The following FAM219A variants were observed in gnomAD, a reference collection of about 807,000 sequenced individuals.
The protein encoded by FAM219A is family with sequence similarity 219 member A.
FAM219A carries 7 observed loss-of-function variants against 23.4 expected under a neutral mutation model. The ratio of observed to expected loss-of-function variants is 0.30; its 90% CI spans 0.17 to 0.56. FAM219A has a LOEUF of 0.56. Ranked by LOEUF, FAM219A falls within the 20% of genes least tolerant of loss-of-function variation. The probability of loss-of-function intolerance (pLI) is 0.92; values close to 1 mark genes in which losing one functional copy is unlikely to be tolerated. For synonymous variants in FAM219A, 93 were observed against 99.0 expected (o/e 0.94, Z 0.36); for missense variants, 166 against 246.9 (o/e 0.67, Z 2.20).
Position 34,419,935 on chromosome 9 carries a change from C to T in FAM219A, c.61-13971G>A, listed in dbSNP as rs1008796789. On this transcript the variant is annotated intron_variant, in intron 1 of 5. Transcript: ENST00000651358. ...TGTGGCATTTCCTGTCGCTGCCCTT[C>T]CTCTCCTTTTTAGCTTGTTCTAAGT... Among the ~76,000 whole-genome samples, 7 of 152,306 alleles carry T rather than the reference C, an allele frequency of 4.6e-5. 1 individual carries two copies. In the South Asian group the frequency reaches 1.5e-3, roughly 32 times the overall value.
chr9:34,410,527 A>T (rs1478156047), intron 1 of FAM219A, among the ~76,000 whole-genome samples: 1 of 152,176 alleles, frequency 6.6e-6, no homozygotes, highest in Non-Finnish European at 1.5e-5. Flanking sequence ...AAACTTGTAG[A>T]GGGTCTTGTA....
chr9:34,411,984 T>C (rs904600754), intron 1 of FAM219A, among the ~76,000 whole-genome samples: 3 of 152,160 alleles, frequency 2.0e-5, no homozygotes, highest in Non-Finnish European at 4.4e-5. Flanking sequence ...GGAGAAAAGT[T>C]GCAGGAAATC....
chr9:34,405,149 G>C (rs890488115), intron 2 of FAM219A, among the ~76,000 whole-genome samples: 3 of 152,182 alleles, frequency 2.0e-5, no homozygotes, highest in African/African-American at 4.8e-5. Flanking sequence ...TTTCATAAAA[G>C]TGTGTTATAT....
rs1010421159 is a variant in FAM219A, at chr9:34,398,280, T to C, written c.*2684A>G. The C allele has an allele frequency of 6.3e-5, 97 of 1,550,530 alleles. No homozygotes were observed. The highest frequency in any genetic ancestry group is 8.0e-5 in the Non-Finnish European group (92 of 1,146,950). On this transcript the variant is annotated 3_prime_UTR_variant, in exon 6 of 6. Coordinates refer to ENST00000651358, the MANE Select transcript of FAM219A (RefSeq NM_001184940.2). ...GCAATGAAAATGTTAAAAAAAATAT[T>C]ATACACGGCTCATGTCTTCCACACA...
rs748623616 is a variant in FAM219A, at chr9:34,458,292, C to G, written c.-29G>C. The G allele has an allele frequency of 7.3e-7, 1 of 1,373,758 alleles. No homozygotes were observed. Among genetic ancestry groups the G allele is most frequent in the South Asian group, 1.8e-5 (1 of 55,988 alleles). The allele number at this position is 1,373,758 out of a possible 1,614,324, so 85.1% of individuals were successfully genotyped here. Reference sequence around the variant, plus strand: ...GCCGGCGGGCGAGCGGGCCAGGGGCCGGGCGCGGCCGCGGACGCCGACAGG... The same window carrying G: ...GCCGGCGGGCGAGCGGGCCAGGGGCGGGGCGCGGCCGCGGACGCCGACAGG... On this transcript the variant is annotated 5_prime_UTR_variant, in exon 1 of 6. Transcript: ENST00000651358. The surrounding 1 kb of genome is among the most constrained non-coding windows in gnomAD (Gnocchi z 6.6).
chr9:34,416,830 T>TA (rs1822055010), intron 1 of FAM219A, among the ~76,000 whole-genome samples: 6 of 148,700 alleles, frequency 4.0e-5, no homozygotes, highest in African/African-American at 4.9e-5. Flanking sequence ...TTTTTTTTTT[T>TA]AAATAGAGGC....
intron 1 of FAM219A, among the ~76,000 whole-genome samples, chr9:34,439,179 T>A (rs1395117865): frequency 2.0e-5 from 3 of 152,168 alleles, no homozygotes; most frequent in African/African-American, 7.2e-5. Context: ...ACACGCCGCC[T>A]TTAAGAACTG....
intron 1 of FAM219A, among the ~76,000 whole-genome samples, chr9:34,414,225 C>T (rs1821921280): frequency 6.6e-6 from 1 of 152,236 alleles, no homozygotes; most frequent in African/African-American, 2.4e-5. Flanking sequence ...CTCCACACCT[C>T]AACATATGAG....
chr9:34,424,521 G>A (rs1822387750), intron 1 of FAM219A, among the ~76,000 whole-genome samples: 1 of 152,112 alleles, frequency 6.6e-6, no homozygotes, highest in African/African-American at 2.4e-5. Flanking sequence ...CAGTTAGGTG[G>A]GTAGTCGCCC....
chr9:34,444,860 C>T (rs1823316235), intron 1 of FAM219A, among the ~76,000 whole-genome samples: 1 of 152,178 alleles, frequency 6.6e-6, no homozygotes, highest in Admixed American at 6.5e-5. Flanking sequence ...TTTTCTATCA[C>T]TTGTCATAGT....
chr9:34,458,245 G>C lies in FAM219A; in HGVS notation c.19C>G (p.Arg7Gly). 6.3e-7 allele frequency: 1 copy of C among 1,587,916 alleles called. No homozygotes were observed. The highest frequency in any genetic ancestry group is 8.5e-7 in the Non-Finnish European group (1 of 1,171,084). The change falls in exon 1 of 6, where the codon CGG (arginine) becomes GGG (glycine). Residue 7 changes from arginine (R) to glycine (G), a missense_variant. Physicochemically the swap from Arg to Gly is moderately radical, Grantham distance 125. This residue lies in a region of FAM219A where 5 missense variants were observed against 17.1 expected (regional missense o/e 0.29). Transcript: ENST00000651358. The surrounding 1 kb of genome is among the most constrained non-coding windows in gnomAD (Gnocchi z 6.6). ...GAGTGCGCGGTGGGCACCTGGAACC[G>C]GTCGATCTCCTCCATCATGGTGCCG... The part of the protein sequence containing the change: MMEEID[R>G]FQVPTAHSEM...
intron 1 of FAM219A, among the ~76,000 whole-genome samples, chr9:34,439,803 C>T (rs1310658001): frequency 2.0e-5 from 3 of 152,104 alleles, no homozygotes; most frequent in Non-Finnish European, 4.4e-5. Context: ...AGGCAGGAGC[C>T]AGATCACATG....
chr9:34,411,990 A>C (rs192081263), intron 1 of FAM219A, among the ~76,000 whole-genome samples: 48 of 152,168 alleles, frequency 3.2e-4, no homozygotes, highest in Non-Finnish European at 5.9e-5. Flanking sequence ...AAGTTGCAGG[A>C]AATCAAGTTT....
intron 1 of FAM219A, among the ~76,000 whole-genome samples, chr9:34,432,443 T>C (rs1822750799): frequency 6.6e-6 from 1 of 152,256 alleles, no homozygotes; most frequent in African/African-American, 2.4e-5. Flanking sequence ...TGGACAGTGC[T>C]GACCACATTT....
At position 34,402,207 on chromosome 9, in the gene FAM219A, C is replaced by T. The variant is rs770864149; in HGVS notation, c.344+180G>A. 9 of 1,550,942 alleles carry T rather than the reference C, an allele frequency of 5.8e-6. No individual in the cohort carries two copies. The South Asian group carries it at 1.1e-4, about 18-fold the overall frequency. On this transcript the variant is annotated intron_variant, in intron 4 of 5. Coordinates refer to ENST00000651358, the MANE Select transcript of FAM219A (RefSeq NM_001184940.2). ...CCCCCCTTTCCTCTCTCTGCCACCTCTCTTCAACCCCCAGTCCCTGGTGTA... is the reference window on the plus strand; with the variant it reads ...CCCCCCTTTCCTCTCTCTGCCACCTTTCTTCAACCCCCAGTCCCTGGTGTA...
chr9:34,406,810 T>C (rs1485664113), intron 1 of FAM219A, among the ~76,000 whole-genome samples: 3 of 151,516 alleles, frequency 2.0e-5, no homozygotes, highest in Non-Finnish European at 4.4e-5. Context: ...AGTCTTTTTT[T>C]TTTTTTTTTT....
intron 1 of FAM219A, among the ~76,000 whole-genome samples, chr9:34,424,279 T>C (rs992692623): frequency 6.6e-6 from 1 of 152,166 alleles, no homozygotes; most frequent in Non-Finnish European, 1.5e-5. Context: ...CTCAAGATGC[T>C]GTTCTCAGGC....
chr9:34,403,972 G>T (rs1821542078), intron 2 of FAM219A, among the ~76,000 whole-genome samples: 1 of 152,122 alleles, frequency 6.6e-6, no homozygotes, highest in African/African-American at 2.4e-5. Flanking sequence ...TACCACTCCA[G>T]GCCTCTAGGG....
At chr9:34,430,498 G>A (rs1348666869) in intron 1 of FAM219A, among the ~76,000 whole-genome samples, 2 of 151,804 alleles carry the variant, frequency 1.3e-5, no homozygotes, top group African/African-American at 4.8e-5. Flanking sequence ...TTAGCCTGGT[G>A]TGGTGGTGGG....
Sources: gnomAD v4.1 joint callset for allele counts (sites outside exome capture counted in the v4.1 genomes callset) on GRCh38, gnomAD v4.1.1 for gene constraint, gnomAD v4.1.1 regional missense constraint, Gnocchi (gnomAD v3.1) non-coding constraint, MANE v1.5 for transcripts, NCBI Gene and HGNC (gene_info 2026-07-23, HGNC 2026-07-21) for gene names.